NOMO3: variants seen among roughly 807,000 people sequenced by gnomAD.
NOMO3 encodes NODAL modulator 3, also known as BOS complex subunit NOMO3.
NOMO3 carries 15 observed loss-of-function variants against 69.9 expected under a neutral mutation model. The observed-to-expected ratio is 0.21, with a 90% CI of 0.14 to 0.33. The LOEUF is 0.33. NOMO3 is among the 10% of genes least tolerant of loss of function. The probability of loss-of-function intolerance (pLI) is 1.00; values close to 1 mark genes in which losing one functional copy is unlikely to be tolerated. For synonymous variants in NOMO3, 89 were observed against 301.9 expected (o/e 0.29, Z 7.31); for missense variants, 218 against 761.0 (o/e 0.29, Z 8.39).
intron 13 of NOMO3, 105 bp downstream of exon 13, chr16:16,263,320 C>A (rs2049580685): frequency 6.3e-7 from 1 of 1,587,054 alleles, no homozygotes; most frequent in East Asian, 2.5e-5. Flanking sequence ...TGCTACTGAT[C>A]ACCTGCGTGC....
rs1372805607 is a variant in NOMO3, at chr16:16,268,648, A to G, written c.1895-1473A>G. ...CCTTTGGCTACATGTAACAAAATCC[A>G]TACAGCAGTGCCATTGGCAAGTGGT... On this transcript the variant is annotated intron_variant, in intron 16 of 30. Coordinates refer to ENST00000399336, the MANE Select transcript of NOMO3 (RefSeq NM_001004067.4). Among the ~76,000 whole-genome samples the G allele has an allele frequency of 1.4e-5, 2 of 142,314 alleles. 1 individual carries two copies. The highest frequency in any genetic ancestry group is 5.9e-5 in the African/African-American group (2 of 33,896). 93.4% of individuals were successfully genotyped at this position (142,314 alleles called of 152,430 possible).
At chr16:16,265,682 T>A (rs1421048993) in intron 15 of NOMO3, among the ~76,000 whole-genome samples, 6 of 48,880 alleles carry the variant, frequency 1.2e-4, no homozygotes, top group African/African-American at 7.0e-4. Flanking sequence ...TTTTTTTTTT[T>A]TTTTTTTTTT....
Position 16,263,570 on chromosome 16 carries a change from G to A in NOMO3, c.1595G>A (p.Arg532Gln), listed in dbSNP as rs1210844808. 68 of 936,292 alleles carry A rather than the reference G, an allele frequency of 7.3e-5. 2 individuals carry two copies. Among genetic ancestry groups the A allele is most frequent in the Admixed American group, 1.3e-4 (4 of 31,542 alleles). The allele number at this position is 936,292 out of a possible 1,614,324, so 58.0% of individuals were successfully genotyped here. The change falls in exon 14 of 31, where the codon CGG (arginine) becomes CAG (glutamine). Residue 532 changes from arginine to glutamine, a missense_variant. Transcript: ENST00000399336. ...TCCCTGAGCCGCCAGGGTGAGAAGCGGAGCCTCCAGCTCTCCGGCAAGGTC... is the reference window on the plus strand; with the variant it reads ...TCCCTGAGCCGCCAGGGTGAGAAGCAGAGCCTCCAGCTCTCCGGCAAGGTC... ...LQSLSRQGEK[R>Q]SLQLSGKVNA...
At chr16:16,238,302 G>T (rs1228055255) in intron 2 of NOMO3, among the ~76,000 whole-genome samples, 1 of 135,020 alleles carries the variant, frequency 7.4e-6, no homozygotes. Flanking sequence ...GCGCGATCTC[G>T]GCTCACTGCA....
At chr16:16,265,314 T>C (rs1389218670) in intron 15 of NOMO3, 135 bp downstream of exon 15, 1 of 1,540,016 alleles carries the variant, frequency 6.5e-7, no homozygotes. Context: ...CACCCACCTG[T>C]TACGCAACGC....
At chr16:16,234,686 A>G (rs2049311822) in intron 1 of NOMO3, among the ~76,000 whole-genome samples, 1 of 149,158 alleles carries the variant, frequency 6.7e-6, no homozygotes, top group Non-Finnish European at 1.5e-5. Flanking sequence ...TTGAGTCAAC[A>G]ACTATTTACT....
At chr16:16,234,969 A>G (rs2049315101) in intron 1 of NOMO3, among the ~76,000 whole-genome samples, 1 of 152,014 alleles carries the variant, frequency 6.6e-6, no homozygotes, top group Admixed American at 6.6e-5. Flanking sequence ...ATCCTTTTGG[A>G]TGAATGTCCC....
Position 16,245,342 on chromosome 16 carries a change from G to A in NOMO3, c.509+168G>A, listed in dbSNP as rs1412972201. 2.1e-5 allele frequency among the ~76,000 whole-genome samples: 3 copies of A among 143,486 alleles called. 1 individual carries two copies. The highest frequency in any genetic ancestry group is 4.5e-5 in the Non-Finnish European group (3 of 67,330). The allele number at this position is 143,486 out of a possible 152,430, so 94.1% of individuals were successfully genotyped here. A position where few individuals can be genotyped will look rare whatever the true frequency, so the allele number is the denominator to read the frequency against. On this transcript the variant is annotated intron_variant, in intron 5 of 30. Coordinates refer to ENST00000399336, the MANE Select transcript of NOMO3 (RefSeq NM_001004067.4). ...TCAGAGTGCTGAGTTCCCCACATGT[G>A]AAATGGAATCCATTTGACCCATCTT...
chr16:16,243,952 T>C (rs1330343739), intron 4 of NOMO3, among the ~76,000 whole-genome samples: 1 of 144,664 alleles, frequency 6.9e-6, no homozygotes, highest in Non-Finnish European at 1.5e-5. Flanking sequence ...AGAGAGAGCG[T>C]GCATCTGCTT....
intron 2 of NOMO3, 58 bp downstream of exon 2, chr16:16,237,048 T>C: frequency 6.3e-7 from 1 of 1,587,848 alleles, no homozygotes; most frequent in South Asian, 1.1e-5. Context: ...CTCACCAGGC[T>C]GCATTAACCA....
At chr16:16,259,202 A>G (rs181302537) in intron 11 of NOMO3, among the ~76,000 whole-genome samples, 4,943 of 144,030 alleles carry the variant, frequency 0.034, 486 homozygotes, top group African/African-American at 0.053. Context: ...GAGGAAATAT[A>G]TTTATTTTCT....
intron 6 of NOMO3, among the ~76,000 whole-genome samples, chr16:16,249,843 T>C (rs1490794881): frequency 7.0e-6 from 1 of 143,856 alleles, no homozygotes; most frequent in African/African-American, 2.8e-5. Context: ...GTGCCCAATT[T>C]GTGACAAGCC....
intron 3 of NOMO3, among the ~76,000 whole-genome samples, chr16:16,241,245 A>G (rs2141247808): frequency 7.0e-6 from 1 of 143,826 alleles, no homozygotes; most frequent in South Asian, 2.2e-4. Flanking sequence ...TCTGTTTTGA[A>G]CTTTATACAA....
intron 1 of NOMO3, 48 bp from the exon 2 acceptor site, chr16:16,236,853 T>G: frequency 1.5e-6 from 2 of 1,296,190 alleles, no homozygotes; most frequent in Non-Finnish European, 1.1e-6. Context: ...GTGTAGTTAA[T>G]TCCCAAAGGC....
intron 9 of NOMO3, among the ~76,000 whole-genome samples, chr16:16,254,957 G>C (rs1457074754): frequency 7.0e-6 from 1 of 143,706 alleles, no homozygotes; most frequent in African/African-American, 2.9e-5. Context: ...GAGTCTTGCT[G>C]CTTCACACAG....
rs2049351809 is a variant in NOMO3 at position 16,238,857 on chromosome 16, C to T, written c.256-994C>T. Among the ~76,000 whole-genome samples the T allele has an allele frequency of 1.6e-5, 2 of 128,968 alleles. 1 individual carries two copies. Among genetic ancestry groups the T allele is most frequent in the African/African-American group, 7.1e-5 (2 of 28,088 alleles). 84.6% of individuals were successfully genotyped at this position (128,968 alleles called of 152,430 possible). A position where few individuals can be genotyped will look rare whatever the true frequency, so the allele number is the denominator to read the frequency against. ...CTTTGGGAGGTTGAGGTAGGTGGAT[C>T]GCCTGAGCTCAGGAGTGTGAGACCA... On this transcript the variant is annotated intron_variant, in intron 2 of 30. Coordinates refer to ENST00000399336, the MANE Select transcript of NOMO3 (RefSeq NM_001004067.4).
chr16:16,267,405 T>C, intron 16 of NOMO3: 1 of 465,370 alleles, frequency 2.1e-6, no homozygotes, highest in Non-Finnish European at 3.7e-6. Flanking sequence ...TTAAAATCTT[T>C]CAGTGGCTTC....
intron 3 of NOMO3, among the ~76,000 whole-genome samples, chr16:16,242,604 A>G (rs1422688676): frequency 2.8e-5 from 4 of 141,794 alleles, no homozygotes; most frequent in Non-Finnish European, 6.0e-5. Flanking sequence ...CTGGTTTAAC[A>G]TGGCTGAGCT....
chr16:16,253,071 T>G (rs1446661146), intron 9 of NOMO3, among the ~76,000 whole-genome samples: 2 of 132,488 alleles, frequency 1.5e-5, no homozygotes, highest in Non-Finnish European at 3.0e-5. Context: ...TGGGTTCAAG[T>G]GATCTGCCTG....
Sources: allele counts gnomAD v4.1 joint callset (sites outside exome capture counted in the v4.1 genomes callset), GRCh38; gene constraint gnomAD v4.1.1; transcripts MANE v1.5; gene names NCBI Gene and HGNC (gene_info 2026-07-23, HGNC 2026-07-21).